Variants in MAGI2 observed in about 807,000 individuals in gnomAD.
The protein encoded by MAGI2 is membrane associated guanylate kinase, WW and PDZ domain containing 2, also known as membrane-associated guanylate kinase, WW and PDZ domain-containing protein 2.
A neutral mutation model predicts 133.3 loss-of-function variants in MAGI2; 35 were observed. That is an observed-to-expected ratio of 0.26 (90% CI 0.20 to 0.35). The LOEUF (loss-of-function observed/expected upper bound fraction) is 0.35, where lower values mean the gene tolerates loss of function less well. MAGI2 is among the 10% of genes least tolerant of loss of function. MAGI2 has a pLI of 1.00. For missense variants in MAGI2, 1,636 were observed against 1,863.4 expected, an observed-to-expected ratio of 0.88 and a Z score of 2.25; for synonymous variants, 729 against 710.6, an observed-to-expected ratio of 1.03 and a Z score of -0.41.
At chr7:78,460,859 G>A (rs551714749) in intron 6 of MAGI2, among the ~76,000 whole-genome samples, 3 of 152,206 alleles carry the variant, frequency 2.0e-5, no homozygotes, top group Admixed American at 1.3e-4. Context: ...TAAACCTTAT[G>A]TCTTATTCAC....
intron 6 of MAGI2, among the ~76,000 whole-genome samples, chr7:78,395,250 A>C (rs1224898046): frequency 6.6e-6 from 1 of 152,220 alleles, no homozygotes; most frequent in Non-Finnish European, 1.5e-5. Context: ...AGATTTTAAA[A>C]AGAGGATAAG....
intron 6 of MAGI2, chr7:78,486,302 G>C (rs62467101): frequency 0.043 from 6,509 of 152,028 alleles, 201 homozygotes; most frequent in Non-Finnish European, 0.07. Context: ...TGGCAGTCCT[G>C]AGAAGAAAAA....
At chr7:79,144,493 T>C (rs533619916) in intron 1 of MAGI2, among the ~76,000 whole-genome samples, 1 of 152,216 alleles carries the variant, frequency 6.6e-6, no homozygotes, top group Non-Finnish European at 1.5e-5. Flanking sequence ...TCCACCATGA[T>C]TGGAAGTTTC....
rs367685142 is a variant in MAGI2 at position 78,271,611 on chromosome 7, A to C, written c.1409-15030T>G. 3.2e-4 allele frequency among the ~76,000 whole-genome samples: 49 copies of C among 152,066 alleles called. No homozygotes were observed. The South Asian group carries it at 5.4e-3, about 17-fold the overall frequency. The stretch of plus-strand genomic sequence containing the variant: ...GACTTTTTTTGGTTGGTAGGCTATT[A>C]ATTATTGCCTCAATTTCAGAACTTG... On this transcript the variant is annotated intron_variant, in intron 9 of 21. Transcript: ENST00000354212.
chr7:78,156,005 T>C (rs1377170169), intron 16 of MAGI2, among the ~76,000 whole-genome samples: 3 of 152,194 alleles, frequency 2.0e-5, no homozygotes, highest in Non-Finnish European at 4.4e-5. Flanking sequence ...AGTTTACATT[T>C]GGGTCCTTCT....
chr7:78,236,382 C>T (rs1444481347), intron 10 of MAGI2, among the ~76,000 whole-genome samples: 3 of 152,140 alleles, frequency 2.0e-5, no homozygotes, highest in Admixed American at 2.0e-4. Context: ...ATTTGACTCA[C>T]ACATGCATCT....
chr7:78,810,390 T>G lies in MAGI2; in HGVS notation c.419-183151A>C, dbSNP rs531226071. Among the ~76,000 whole-genome samples the G allele has an allele frequency of 5.3e-5, 8 of 152,268 alleles. No homozygotes were observed. The East Asian group carries it at 1.5e-3, about 29-fold the overall frequency. ...TATGTATTAGGTTAAAAATTACAAT[T>G]ACAACAAATTCACTTGCCAAAGTAT... On this transcript the variant is annotated intron_variant, in intron 2 of 21. Transcript: ENST00000354212.
chr7:78,512,707 C>T (rs759146761), intron 4 of MAGI2, among the ~76,000 whole-genome samples: 2 of 152,146 alleles, frequency 1.3e-5, no homozygotes, highest in Non-Finnish European at 2.9e-5. Context: ...CTCTTCTATT[C>T]AGGGTCTAGC....
intron 1 of MAGI2, among the ~76,000 whole-genome samples, chr7:79,099,744 G>A (rs1472665938): frequency 6.6e-6 from 1 of 151,994 alleles, no homozygotes; most frequent in Non-Finnish European, 1.5e-5. Flanking sequence ...TCCTGTTCCC[G>A]TGTTAGTTCG....
chr7:78,083,387 G>GGGGGGAGAGAGAGAGAGAGAGAGAGAGA (rs1816229903), intron 20 of MAGI2, among the ~76,000 whole-genome samples: 1 of 33,300 alleles, frequency 3.0e-5, no homozygotes, highest in African/African-American at 1.3e-4. Flanking sequence ...AGGGAGGGGG[G>GGGGGGAGAGAGAGAGAGAGAGAGAGAGA]GAGAGAGAGA....
At chr7:78,622,122 C>T (rs946798959) in intron 3 of MAGI2, among the ~76,000 whole-genome samples, 3 of 151,966 alleles carry the variant, frequency 2.0e-5, no homozygotes, top group Admixed American at 2.0e-4. Flanking sequence ...GGAAGCATTT[C>T]AGATGAGCAA....
intron 4 of MAGI2, chr7:78,518,541 T>A (rs1210721728): frequency 6.6e-6 from 1 of 152,214 alleles, no homozygotes; most frequent in Non-Finnish European, 1.5e-5. Context: ...GTGAATTATT[T>A]TATTGCTTAT....
intron 2 of MAGI2, among the ~76,000 whole-genome samples, chr7:78,782,162 C>A (rs982183566): frequency 2.0e-5 from 3 of 152,124 alleles, no homozygotes; most frequent in Non-Finnish European, 2.9e-5. Context: ...CTCAGGAGAA[C>A]GTCGGCAATT....
intron 2 of MAGI2, among the ~76,000 whole-genome samples, chr7:78,912,392 T>C (rs527553939): frequency 7.2e-5 from 11 of 152,254 alleles, no homozygotes; most frequent in Admixed American, 7.2e-4. Context: ...TACAAAGTAT[T>C]GATCCTGGAT....
intron 2 of MAGI2, among the ~76,000 whole-genome samples, chr7:78,961,749 G>A (rs181229265): frequency 7.7e-4 from 117 of 152,114 alleles, no homozygotes; most frequent in Non-Finnish European, 1.4e-3. Flanking sequence ...TAATTTTATC[G>A]TCTAAATACA....
intron 7 of MAGI2, among the ~76,000 whole-genome samples, chr7:78,367,652 A>G (rs1793516809): frequency 6.6e-6 from 1 of 152,182 alleles, no homozygotes; most frequent in Non-Finnish European, 1.5e-5. Flanking sequence ...TGATTCTGTG[A>G]GGAAATATAC....
chr7:78,130,399 T>C (rs1821444933), intron 18 of MAGI2, among the ~76,000 whole-genome samples: 1 of 152,184 alleles, frequency 6.6e-6, no homozygotes, highest in Non-Finnish European at 1.5e-5. Flanking sequence ...GAATCTGACA[T>C]GTAGGTGGGC....
intron 2 of MAGI2, among the ~76,000 whole-genome samples, chr7:78,724,000 G>A (rs569980644): frequency 6.6e-6 from 1 of 152,254 alleles, no homozygotes; most frequent in East Asian, 1.9e-4. Context: ...TACCAAAATA[G>A]CAGGGGTGTG....
intron 1 of MAGI2, among the ~76,000 whole-genome samples, chr7:79,071,898 C>T (rs1334118825): frequency 5.9e-5 from 9 of 152,212 alleles, no homozygotes; most frequent in South Asian, 2.1e-4. Context: ...TACTGGGCTC[C>T]GTGGGGGTGG....
Sources: gnomAD v4.1 joint callset for allele counts (sites outside exome capture counted in the v4.1 genomes callset) on GRCh38, gnomAD v4.1.1 for gene constraint, MANE v1.5 for transcripts, NCBI Gene and HGNC (gene_info 2026-07-23, HGNC 2026-07-21) for gene names.